The following CADPS variants were observed in gnomAD, a reference collection of about 807,000 sequenced individuals.
The protein encoded by CADPS is calcium-dependent secretion activator 1.
In CADPS, 57 loss-of-function variants were observed where a neutral mutation model predicts 167.3. The ratio of observed to expected loss-of-function variants is 0.34; its 90% CI spans 0.28 to 0.42. The LOEUF is 0.42. CADPS is among the 20% of genes least tolerant of loss of function. CADPS has a pLI of 1.00. For missense variants in CADPS, 1,414 were observed against 1,738.1 expected (o/e 0.81, Z 3.32); for synonymous variants, 676 against 635.3 (o/e 1.06, Z -0.96).
intron 8 of CADPS, among the ~76,000 whole-genome samples, chr3:62,572,516 A>G (rs1263515706): frequency 1.3e-5 from 2 of 152,120 alleles, no homozygotes; most frequent in Non-Finnish European, 2.9e-5. Flanking sequence ...AAATTCCTTC[A>G]GTGCCTCCCC....
chr3:62,769,766 G>C (rs769452691), intron 1 of CADPS, among the ~76,000 whole-genome samples: 3 of 152,114 alleles, frequency 2.0e-5, no homozygotes. Flanking sequence ...TGAGTCAGGA[G>C]TTGAGCGCAC....
intron 28 of CADPS, among the ~76,000 whole-genome samples, chr3:62,425,492 T>G (rs1351906583): frequency 6.6e-6 from 1 of 152,216 alleles, no homozygotes; most frequent in Non-Finnish European, 1.5e-5. Flanking sequence ...TTAGATCTAC[T>G]GAATCAGAAT....
chr3:62,753,380 T>C lies in CADPS; in HGVS notation c.888+61A>G, dbSNP rs1575869353. The C allele has an allele frequency of 2.5e-6, 3 of 1,215,716 alleles. No homozygotes were observed. The highest frequency in any genetic ancestry group is 1.4e-5 in the South Asian group (1 of 70,738). The allele number at this position is 1,215,716 out of a possible 1,614,324, so 75.3% of individuals were successfully genotyped here. A position where few individuals can be genotyped will look rare whatever the true frequency, so the allele number is the denominator to read the frequency against. On this transcript the variant is annotated intron_variant, in intron 3 of 29. Coordinates refer to ENST00000383710, the MANE Select transcript of CADPS (RefSeq NM_003716.4). The surrounding 1 kb of genome is among the most constrained non-coding windows in gnomAD (Gnocchi z 4.6). ...TTTAAAAAAATCAAGAAGTATCTCA[T>C]AGAAGTTGGAATGCAGCTCTGCTTA...
intron 3 of CADPS, among the ~76,000 whole-genome samples, chr3:62,664,275 G>T (rs1469677175): frequency 6.6e-6 from 1 of 152,218 alleles, no homozygotes; most frequent in Non-Finnish European, 1.5e-5. Flanking sequence ...CAAAGTACTA[G>T]GATTACAGGC....
chr3:62,643,735 T>A (rs939927498), intron 6 of CADPS, among the ~76,000 whole-genome samples: 17 of 152,216 alleles, frequency 1.1e-4, no homozygotes, highest in African/African-American at 3.6e-4. Context: ...ACTTTCTTCT[T>A]CCTTCTCAAT....
chr3:62,857,381 TA>T (rs1449200412), intron 1 of CADPS, among the ~76,000 whole-genome samples: 4 of 152,038 alleles, frequency 2.6e-5, no homozygotes, highest in Non-Finnish European at 5.9e-5. Flanking sequence ...TATATATTCT[TA>T]ATATTAAAGA....
chr3:62,535,644 G>T (rs2074542639), intron 12 of CADPS, among the ~76,000 whole-genome samples: 1 of 151,754 alleles, frequency 6.6e-6, no homozygotes, highest in Non-Finnish European at 1.5e-5. Flanking sequence ...CTATAAAGTG[G>T]GATTAATAGC....
chr3:62,498,724 T>C (rs766443577), intron 18 of CADPS, among the ~76,000 whole-genome samples: 5 of 146,006 alleles, frequency 3.4e-5, no homozygotes, highest in Admixed American at 6.8e-5. Context: ...AAAAAAAAAA[T>C]GAAGACTGTA....
chr3:62,522,095 CTCTATCTATCTA>C (rs3074258), intron 13 of CADPS, among the ~76,000 whole-genome samples: 2,532 of 144,054 alleles, frequency 0.018, 41 homozygotes, highest in Admixed American at 0.041. Flanking sequence ...ATCCTCAAAG[CTCTATCTATCTA>C]TCTATCTATC....
chr3:62,739,453 C>G (rs2079711982), intron 3 of CADPS, among the ~76,000 whole-genome samples: 1 of 152,192 alleles, frequency 6.6e-6, no homozygotes, highest in East Asian at 1.9e-4. Flanking sequence ...GTTTGTTATG[C>G]AGCAACAGCT....
intron 5 of CADPS, among the ~76,000 whole-genome samples, chr3:62,649,541 G>GTT (rs1212818484): frequency 1.6e-4 from 12 of 74,984 alleles, no homozygotes; most frequent in Admixed American, 2.0e-4. Context: ...ACAATATGTG[G>GTT]TCTTTTTTTT....
intron 29 of CADPS, among the ~76,000 whole-genome samples, 189 bp downstream of exon 29, chr3:62,402,892 A>C (rs1706928181): frequency 6.6e-6 from 1 of 152,256 alleles, no homozygotes; most frequent in African/African-American, 2.4e-5. Context: ...CATTTGTATT[A>C]AATTTCCCTT....
intron 1 of CADPS, among the ~76,000 whole-genome samples, chr3:62,777,037 G>A (rs202143488): frequency 2.0e-5 from 3 of 152,170 alleles, no homozygotes; most frequent in African/African-American, 7.2e-5. Context: ...CAACAGAGGA[G>A]TCCAAAAACA....
At chr3:62,632,637 T>A (rs1476653596) in intron 6 of CADPS, among the ~76,000 whole-genome samples, 4 of 152,136 alleles carry the variant, frequency 2.6e-5, no homozygotes, top group African/African-American at 9.7e-5. Context: ...GGGACTGGAC[T>A]CACTGTAGGT....
intron 1 of CADPS, among the ~76,000 whole-genome samples, chr3:62,831,057 T>C (rs2074983355): frequency 6.6e-6 from 1 of 152,150 alleles, no homozygotes; most frequent in East Asian, 1.9e-4. Context: ...GGAAATTTGC[T>C]TGATAATAAA....
rs2086318077 is a variant in CADPS, at chr3:62,592,647, T to C, written c.1427A>G (p.Glu476Gly). ...ATAAGAAGTGCTTACCCGCCCAAGCTCCTTGTCCTCCAACGCCAGGACGCC... is the reference window on the plus strand; with the variant it reads ...ATAAGAAGTGCTTACCCGCCCAAGCCCCTTGTCCTCCAACGCCAGGACGCC... The part of the protein sequence containing the change: ...STGVLALEDK[E>G]LGRVILHPTP... Residue 476 changes from glutamate (E) to glycine (G), a missense_variant, in exon 7 of 30, where the codon GAG becomes GGG. Glu to Gly is a moderately conservative substitution (Grantham distance 98). Around this residue, in one of 6 missense-constraint regions of CADPS, gnomAD observed 157 missense variants for 229.4 expected, o/e 0.68. Transcript: ENST00000383710. 6.2e-7 allele frequency: 1 copy of C among 1,613,450 alleles called. No individual in the cohort carries two copies. Among genetic ancestry groups the C allele is most frequent in the Non-Finnish European group, 8.5e-7 (1 of 1,179,386 alleles).
At chr3:62,400,726 A>T (rs923499898) in intron 29 of CADPS, among the ~76,000 whole-genome samples, 5 of 150,512 alleles carry the variant, frequency 3.3e-5, no homozygotes, top group African/African-American at 1.2e-4. Context: ...CAGCCTCCTG[A>T]GTAGCTGGGA....
At chr3:62,524,543 A>C (rs1318536612) in intron 13 of CADPS, among the ~76,000 whole-genome samples, 2 of 152,210 alleles carry the variant, frequency 1.3e-5, no homozygotes, top group Non-Finnish European at 2.9e-5. Context: ...GCTAATAATT[A>C]ATCTCCAAAC....
chr3:62,833,742 G>A (rs1237375371), intron 1 of CADPS, among the ~76,000 whole-genome samples: 1 of 151,994 alleles, frequency 6.6e-6, no homozygotes, highest in African/African-American at 2.4e-5. Context: ...CTGAACCTGG[G>A]CTCACTGCTC....
Sources: gnomAD v4.1 joint callset for allele counts (sites outside exome capture counted in the v4.1 genomes callset) on GRCh38, gnomAD v4.1.1 for gene constraint, gnomAD v4.1.1 regional missense constraint, Gnocchi (gnomAD v3.1) non-coding constraint, MANE v1.5 for transcripts, NCBI Gene and HGNC (gene_info 2026-07-23, HGNC 2026-07-21) for gene names.